Variants in VSIG10 observed in about 807,000 individuals in gnomAD.
The protein encoded by VSIG10 is V-set and immunoglobulin domain containing 10.
A neutral mutation model predicts 58.7 loss-of-function variants in VSIG10; 48 were observed. The observed-to-expected ratio is 0.82, with a 90% CI of 0.65 to 1.04. The LOEUF is 1.04. Among genes scored for constraint, VSIG10 ranks in the 50% least tolerant of loss-of-function variants. The pLI is 0.00. For synonymous variants in VSIG10, 260 were observed against 267.1 expected (o/e 0.97, Z 0.26); for missense variants, 628 against 670.0 (o/e 0.94, Z 0.69).
At chr12:118,083,169 C>CAGTA (rs1566167851) in intron 2 of VSIG10, among the ~76,000 whole-genome samples, 1 of 141,246 alleles carries the variant, frequency 7.1e-6, no homozygotes, top group East Asian at 2.1e-4. Flanking sequence ...GGGCTAGGCA[C>CAGTA]AGTAGCTCAT....
Position 118,089,229 on chromosome 12 carries a change from A to C in VSIG10, c.361+6304T>G, listed in dbSNP as rs187825567. Among the ~76,000 whole-genome samples, 60 of 152,282 alleles carry C rather than the reference A, an allele frequency of 3.9e-4. 1 individual carries two copies. In the South Asian group the frequency reaches 9.1e-3, roughly 23 times the overall value. ...CTCCCAAAGTGCTGGGATTACAGGCATGAGCCACTGCACCCAGCCATGAGT... is the reference window on the plus strand; with the variant it reads ...CTCCCAAAGTGCTGGGATTACAGGCCTGAGCCACTGCACCCAGCCATGAGT... On this transcript the variant is annotated intron_variant, in intron 2 of 8. Transcript: ENST00000359236.
At position 118,095,702 on chromosome 12, in the gene VSIG10, G is replaced by C. The variant is rs1192996547; in HGVS notation, c.192C>G (p.Val64=). The change falls in exon 2 of 9, where the codon GTC becomes GTG. Residue 64 remains valine, a synonymous_variant. Transcript: ENST00000359236. ...VTWYRNNSEP[V]FLLSSNSSLR... Reference sequence around the variant, plus strand: ...GGCTAGAGTTGGACGAGAGAAGGAAGACAGGCTCCGAGTTGTTCCGGTACC... The same window carrying C: ...GGCTAGAGTTGGACGAGAGAAGGAACACAGGCTCCGAGTTGTTCCGGTACC... 1 of 1,613,832 alleles carries C rather than the reference G, an allele frequency of 6.2e-7. No individual in the cohort carries two copies. Among genetic ancestry groups the C allele is most frequent in the African/African-American group, 1.3e-5 (1 of 74,934 alleles).
chr12:118,071,124 G>A lies in VSIG10; in HGVS notation c.1331-57C>T. ...CAGTAACATCCACTTCAACCTGACA[G>A]GTTCTTAATCAGGCAAACATTTACT... On this transcript the variant is annotated intron_variant, in intron 6 of 8. Coordinates refer to ENST00000359236, the MANE Select transcript of VSIG10 (RefSeq NM_019086.6). The A allele has an allele frequency of 2.6e-6, 4 of 1,557,962 alleles. No homozygotes were observed. The South Asian group carries it at 4.7e-5, about 18-fold the overall frequency.
At chr12:118,089,034 G>A (rs566480048) in intron 2 of VSIG10, among the ~76,000 whole-genome samples, 1 of 150,882 alleles carries the variant, frequency 6.6e-6, no homozygotes, top group South Asian at 2.1e-4. Context: ...TGCAACCTCC[G>A]CCCTCCCCGG....
At chr12:118,077,864 C>T (rs1401974877) in intron 4 of VSIG10, among the ~76,000 whole-genome samples, 7 of 152,146 alleles carry the variant, frequency 4.6e-5, no homozygotes, top group African/African-American at 9.7e-5. Context: ...TCAATTCTTC[C>T]GGCTGACACC....
At chr12:118,096,710 C>T (rs978877995) in intron 1 of VSIG10, among the ~76,000 whole-genome samples, 7 of 151,242 alleles carry the variant, frequency 4.6e-5, no homozygotes, top group African/African-American at 9.7e-5. Context: ...CATGAGCCAC[C>T]GTGCCTGACC....
intron 2 of VSIG10, among the ~76,000 whole-genome samples, chr12:118,087,577 C>T (rs2033163214): frequency 6.6e-6 from 1 of 152,066 alleles, no homozygotes; most frequent in Non-Finnish European, 1.5e-5. Context: ...TGGTTCATAT[C>T]TGTAAGCCCA....
chr12:118,098,932 G>A (rs2033550076), intron 1 of VSIG10, among the ~76,000 whole-genome samples: 1 of 147,686 alleles, frequency 6.8e-6, no homozygotes, highest in Non-Finnish European at 1.5e-5. Flanking sequence ...GTTGGGGGGG[G>A]TCTCACTCTG....
At position 118,095,469 on chromosome 12, in the gene VSIG10, T is replaced by C. The variant is rs1592893340; in HGVS notation, c.361+64A>G. On this transcript the variant is annotated intron_variant, in intron 2 of 8. Coordinates refer to ENST00000359236, the MANE Select transcript of VSIG10 (RefSeq NM_019086.6). ...AACCCAAAACCCATATTCCTGACCA[T>C]GGTCTCCTCCTTTCCAAGGCTCCGA... 1.7e-5 allele frequency: 27 copies of C among 1,586,724 alleles called. No individual in the cohort carries two copies. The East Asian group carries it at 3.8e-4, about 22-fold the overall frequency.
intron 7 of VSIG10, 175 bp downstream of exon 7, chr12:118,070,874 TGAG>T (rs1461539167): frequency 4.1e-6 from 3 of 733,456 alleles, no homozygotes; most frequent in Non-Finnish European, 4.7e-6. Context: ...ACCACCACCC[TGAG>T]GAGATGATGA....
At chr12:118,085,381 AT>A (rs1244783326) in intron 2 of VSIG10, among the ~76,000 whole-genome samples, 1 of 152,106 alleles carries the variant, frequency 6.6e-6, no homozygotes, top group Non-Finnish European at 1.5e-5. Context: ...CAGCTTCCTC[AT>A]TGCTCACGTG....
intron 5 of VSIG10, among the ~76,000 whole-genome samples, chr12:118,072,775 G>A (rs1280259295): frequency 6.6e-6 from 1 of 152,064 alleles, no homozygotes; most frequent in Non-Finnish European, 1.5e-5. Flanking sequence ...TTTCGAGAGA[G>A]GCCCAAGATG....
chr12:118,084,920 G>A (rs957488304), intron 2 of VSIG10, among the ~76,000 whole-genome samples: 1 of 152,222 alleles, frequency 6.6e-6, no homozygotes, highest in African/African-American at 2.4e-5. Flanking sequence ...TCTGGAGGCT[G>A]AGGCAGGAGA....
intron 3 of VSIG10, 59 bp downstream of exon 3, chr12:118,082,068 T>G: frequency 1.3e-6 from 2 of 1,491,276 alleles, no homozygotes; most frequent in Non-Finnish European, 1.8e-6. Context: ...AACGTGCAGT[T>G]CATAAGTTCA....
At chr12:118,096,619 A>C (rs1352115986) in intron 1 of VSIG10, among the ~76,000 whole-genome samples, 4 of 150,108 alleles carry the variant, frequency 2.7e-5, no homozygotes, top group Non-Finnish European at 5.9e-5. Flanking sequence ...CTGGGCATGT[A>C]GTCCCAGCTA....
chr12:118,103,554 G>C (rs1208594763), intron 1 of VSIG10, 39 bp downstream of exon 1: 2 of 1,497,162 alleles, frequency 1.3e-6, no homozygotes, highest in Non-Finnish European at 1.8e-6. Context: ...CCGCTGACTG[G>C]GAAAACTCAA....
At chr12:118,069,727 T>C (rs1364696085) in intron 7 of VSIG10, among the ~76,000 whole-genome samples, 1 of 152,018 alleles carries the variant, frequency 6.6e-6, no homozygotes, top group Non-Finnish European at 1.5e-5. Context: ...GCACCCGGCC[T>C]GGACTATGCA....
At chr12:118,081,210 C>T (rs867088056) in intron 3 of VSIG10, among the ~76,000 whole-genome samples, 4 of 152,050 alleles carry the variant, frequency 2.6e-5, no homozygotes, top group African/African-American at 4.8e-5. Flanking sequence ...CTCGCCACTG[C>T]ACTCTAGCCT....
At chr12:118,073,621 C>G in intron 5 of VSIG10, 78 bp downstream of exon 5, 5 of 1,486,056 alleles carry the variant, frequency 3.4e-6, no homozygotes, top group Non-Finnish European at 4.5e-6. Flanking sequence ...TAGGGAGGCA[C>G]CAGGCTGTCC....
Sources: gnomAD v4.1 joint callset for allele counts (sites outside exome capture counted in the v4.1 genomes callset) on GRCh38, gnomAD v4.1.1 for gene constraint, MANE v1.5 for transcripts, NCBI Gene and HGNC (gene_info 2026-07-23, HGNC 2026-07-21) for gene names.